Variants in PRKCE observed in about 807,000 individuals in gnomAD.
PRKCE encodes the protein protein kinase C epsilon, also known as protein kinase C epsilon type.
In PRKCE, 16 loss-of-function variants were observed where a neutral mutation model predicts 85.4. The ratio of observed to expected loss-of-function variants is 0.19; its 90% CI spans 0.13 to 0.28. The LOEUF (loss-of-function observed/expected upper bound fraction) is 0.28, where lower values mean the gene tolerates loss of function less well. PRKCE is among the 10% of genes least tolerant of loss of function. The pLI, the probability that PRKCE is intolerant of heterozygous loss-of-function variation, is 1.00. For synonymous variants in PRKCE, 388 were observed against 371.5 expected (o/e 1.04, Z -0.51); for missense variants, 573 against 975.2 (o/e 0.59, Z 5.49).
chr2:46,149,679 A>G (rs1333120599), intron 12 of PRKCE, among the ~76,000 whole-genome samples: 1 of 149,828 alleles, frequency 6.7e-6, no homozygotes, highest in Non-Finnish European at 1.5e-5. Context: ...AGTCTTTTCT[A>G]TTGGATGTCA....
At chr2:45,860,436 C>T (rs996166085) in intron 2 of PRKCE, among the ~76,000 whole-genome samples, 24 of 152,272 alleles carry the variant, frequency 1.6e-4, no homozygotes, top group African/African-American at 5.3e-4. Context: ...GTAGCTGGGG[C>T]CCCCTGATGG....
At chr2:45,804,436 C>T (rs184871191) in intron 1 of PRKCE, among the ~76,000 whole-genome samples, 6 of 152,338 alleles carry the variant, frequency 3.9e-5, no homozygotes, top group East Asian at 1.9e-4. Flanking sequence ...TTCTAATGGC[C>T]TTCCAGGGTT....
intron 1 of PRKCE, among the ~76,000 whole-genome samples, chr2:45,719,240 G>A (rs1013387764): frequency 1.3e-5 from 2 of 152,188 alleles, no homozygotes; most frequent in African/African-American, 2.4e-5. Flanking sequence ...CCCAGCCTCC[G>A]GCTTCTTGGA....
intron 11 of PRKCE, among the ~76,000 whole-genome samples, chr2:46,098,256 T>C (rs574496633): frequency 6.6e-6 from 1 of 152,306 alleles, no homozygotes; most frequent in African/African-American, 2.4e-5. Flanking sequence ...AGATCTGTGA[T>C]GTTGGGCAAA....
At chr2:45,914,310 A>T (rs1697595018) in intron 2 of PRKCE, among the ~76,000 whole-genome samples, 1 of 152,206 alleles carries the variant, frequency 6.6e-6, no homozygotes, top group South Asian at 2.1e-4. Flanking sequence ...ATGTCCAGTG[A>T]CTGAATATGG....
intron 1 of PRKCE, among the ~76,000 whole-genome samples, chr2:45,734,193 C>T (rs564637198): frequency 2.0e-5 from 3 of 152,126 alleles, no homozygotes; most frequent in South Asian, 2.1e-4. Context: ...GGTGAAACCC[C>T]GTCTCTACTA....
chr2:46,170,049 T>G (rs1371936113), intron 14 of PRKCE, among the ~76,000 whole-genome samples: 2 of 152,136 alleles, frequency 1.3e-5, no homozygotes, highest in East Asian at 3.9e-4. Context: ...ATTTGCAGGG[T>G]TTTTTAATCA....
At chr2:45,660,932 C>T (rs1238905741) in intron 1 of PRKCE, among the ~76,000 whole-genome samples, 1 of 152,024 alleles carries the variant, frequency 6.6e-6, no homozygotes, top group Non-Finnish European at 1.5e-5. Flanking sequence ...ATTGAAACTC[C>T]AGAGGAAATA....
chr2:45,784,866 G>GT (rs1163840570), intron 1 of PRKCE, among the ~76,000 whole-genome samples: 1 of 152,172 alleles, frequency 6.6e-6, no homozygotes, highest in African/African-American at 2.4e-5. Flanking sequence ...TAATGATAAT[G>GT]TTTTTTGTCT....
Position 46,097,751 on chromosome 2 carries a change from A to G in PRKCE, c.1592+11389A>G, listed in dbSNP as rs111953371. Reference sequence around the variant, plus strand: ...GCTTGTCCCCTACTAAAGGAATGCCAAATACCAGCATGAGTTTTTCAGGAG... The same window carrying G: ...GCTTGTCCCCTACTAAAGGAATGCCGAATACCAGCATGAGTTTTTCAGGAG... On this transcript the variant is annotated intron_variant, in intron 11 of 14. Coordinates refer to ENST00000306156, the MANE Select transcript of PRKCE (RefSeq NM_005400.3). Among the ~76,000 whole-genome samples, 950 of 152,334 alleles carry G rather than the reference A, an allele frequency of 6.2e-3. 17 individuals are homozygous for G. Among genetic ancestry groups the G allele is most frequent in the African/African-American group, 0.02 (847 of 41,572 alleles).
intron 1 of PRKCE, among the ~76,000 whole-genome samples, chr2:45,834,355 G>A (rs1036019048): frequency 6.6e-6 from 1 of 152,222 alleles, no homozygotes; most frequent in African/African-American, 2.4e-5. Flanking sequence ...TAAACAGCCA[G>A]TGCAGTGAAA....
chr2:46,151,070 C>T lies in PRKCE; in HGVS notation c.1761C>T (p.Ser587=), dbSNP rs1143692. The change falls in exon 13 of 15, where the codon TCC becomes TCT. Residue 587 remains serine, a synonymous_variant. Transcript: ENST00000306156. The stretch of plus-strand genomic sequence containing the variant: ...TGCAGGAGTTGGAGTATGGCCCCTC[C>T]GTGGACTGGTGGGCCCTGGGGGTGC... ...EILQELEYGP[S]VDWWALGVLM... 81,887 of 1,599,166 alleles carry T rather than the reference C, an allele frequency of 0.051. 2,414 individuals carry two copies. Among genetic ancestry groups the T allele is most frequent in the Middle Eastern group, 0.084 (510 of 6,056 alleles).
intron 1 of PRKCE, among the ~76,000 whole-genome samples, chr2:45,741,810 T>C (rs1470929039): frequency 6.6e-6 from 1 of 152,078 alleles, no homozygotes; most frequent in African/African-American, 2.4e-5. Flanking sequence ...GCTCAACAGG[T>C]CTTCTCTGTT....
At chr2:45,889,378 T>C (rs1475897485) in intron 2 of PRKCE, among the ~76,000 whole-genome samples, 2 of 152,168 alleles carry the variant, frequency 1.3e-5, no homozygotes, top group Non-Finnish European at 2.9e-5. Context: ...CTCCAAAAAC[T>C]GGATGATGCA....
At chr2:46,071,107 C>T (rs1175780451) in intron 10 of PRKCE, among the ~76,000 whole-genome samples, 1 of 152,146 alleles carries the variant, frequency 6.6e-6, no homozygotes, top group Non-Finnish European at 1.5e-5. Context: ...TTTCCTGCAC[C>T]CAGAAAACCC....
intron 1 of PRKCE, among the ~76,000 whole-genome samples, chr2:45,841,186 A>T (rs538063824): frequency 1.3e-5 from 2 of 152,358 alleles, no homozygotes; most frequent in African/African-American, 4.8e-5. Context: ...GACAGAATCA[A>T]TAGGATATAT....
At chr2:45,989,298 A>G (rs1030102780) in intron 6 of PRKCE, among the ~76,000 whole-genome samples, 4 of 152,188 alleles carry the variant, frequency 2.6e-5, no homozygotes, top group Non-Finnish European at 5.9e-5. Flanking sequence ...CCTCTCTCTG[A>G]CACACATCTT....
At chr2:45,948,399 G>A (rs1217044693) in intron 2 of PRKCE, among the ~76,000 whole-genome samples, 1 of 152,184 alleles carries the variant, frequency 6.6e-6, no homozygotes, top group South Asian at 2.1e-4. Context: ...TAGTACTTGG[G>A]GAGGCCAAGG....
intron 1 of PRKCE, among the ~76,000 whole-genome samples, chr2:45,718,503 C>G (rs1680342275): frequency 2.6e-5 from 4 of 152,012 alleles, no homozygotes; most frequent in Admixed American, 2.6e-4. Context: ...CACCACTACA[C>G]TCAGCTAATT....
Sources: allele counts gnomAD v4.1 joint callset (sites outside exome capture counted in the v4.1 genomes callset), GRCh38; gene constraint gnomAD v4.1.1; transcripts MANE v1.5; gene names NCBI Gene and HGNC (gene_info 2026-07-23, HGNC 2026-07-21).